Variants in HIVEP3 observed in about 807,000 individuals in gnomAD.
HIVEP3 encodes transcription factor HIVEP3.
In HIVEP3, 49 loss-of-function variants were observed where a neutral mutation model predicts 152.8. The observed-to-expected ratio is 0.32, with a 90% CI of 0.26 to 0.41. The LOEUF is 0.41. Ranked by LOEUF, HIVEP3 falls within the 10% of genes least tolerant of loss-of-function variation. The pLI is 1.00. For synonymous variants in HIVEP3, 1,269 were observed against 1,289.0 expected, an observed-to-expected ratio of 0.98 and a Z score of 0.33; for missense variants, 2,790 against 3,103.3, an observed-to-expected ratio of 0.90 and a Z score of 2.40.
At chr1:41,560,709 G>C (rs1644046965) in intron 5 of HIVEP3, among the ~76,000 whole-genome samples, 1 of 152,194 alleles carries the variant, frequency 6.6e-6, no homozygotes, top group Non-Finnish European at 1.5e-5. Flanking sequence ...CACAGCGGAG[G>C]CCCCTCCTCC....
chr1:41,949,635 A>G (rs1344163719), intron 1 of HIVEP3, among the ~76,000 whole-genome samples: 1 of 152,052 alleles, frequency 6.6e-6, no homozygotes, highest in Non-Finnish European at 1.5e-5. Context: ...CTCCTCAGCC[A>G]ATGGATGCCC....
At chr1:41,788,048 A>G (rs1397465599) in intron 1 of HIVEP3, among the ~76,000 whole-genome samples, 1 of 152,210 alleles carries the variant, frequency 6.6e-6, no homozygotes, top group Admixed American at 6.5e-5. Context: ...TCTGGGGCTC[A>G]GGTGACCCGG....
chr1:41,698,556 G>T (rs710246), intron 2 of HIVEP3, among the ~76,000 whole-genome samples: 9,350 of 152,176 alleles, frequency 0.061, 952 homozygotes, highest in African/African-American at 0.21. Flanking sequence ...TGATGAGGGA[G>T]CTGTGTGCTA....
Position 41,584,338 on chromosome 1 carries a change from G to T in HIVEP3, c.460C>A (p.Pro154Thr), listed in dbSNP as rs374763516. 7 of 1,613,920 alleles carry T rather than the reference G, an allele frequency of 4.3e-6. No homozygotes were observed. In the Middle Eastern group the frequency reaches 5.0e-4, roughly 114 times the overall value. The stretch of plus-strand genomic sequence containing the variant: ...TTGGGGACTCCAGGAAGGTCCTCGG[G>T]GGGAATGATGGAAGCGTGGGAAGGA... ...LLPSHASIIP[P>T]EDLPGVPKVF... is the part of the protein sequence containing the mutation. The change falls in exon 4 of 9, where the codon CCC becomes ACC. Residue 154 changes from proline to threonine, a missense_variant. This residue lies in a region of HIVEP3 where 209 missense variants were observed against 237.0 expected (regional missense o/e 0.88). Coordinates refer to ENST00000372583, the MANE Select transcript of HIVEP3 (RefSeq NM_024503.5). The surrounding 1 kb of genome is among the most constrained non-coding windows in gnomAD (Gnocchi z 5.2).
At chr1:41,678,536 G>A (rs1035790229) in intron 2 of HIVEP3, among the ~76,000 whole-genome samples, 7 of 151,278 alleles carry the variant, frequency 4.6e-5, no homozygotes, top group African/African-American at 9.8e-5. Context: ...TCCGGCTCGC[G>A]CTCCTCTCCA....
chr1:41,924,135 C>T lies in HIVEP3; in HGVS notation n.120-5611G>A, dbSNP rs369018833. ...ATCACAAGTATCCTTATAGGACTGA[C>T]GTAGGAGACGGGCTAGAGGGCAACG... On this transcript the variant is annotated intron_variant and non_coding_transcript_variant, in intron 1 of 3. Coordinates refer to the HIVEP3 transcript ENST00000489103. 2.5e-3 allele frequency among the ~76,000 whole-genome samples: 378 copies of T among 152,218 alleles called. 3 individuals are homozygous for T. Among genetic ancestry groups the T allele is most frequent in the African/African-American group, 8.6e-3 (359 of 41,520 alleles).
At chr1:42,004,030 C>CT (rs1315276063) in intron 1 of HIVEP3, among the ~76,000 whole-genome samples, 2 of 152,162 alleles carry the variant, frequency 1.3e-5, no homozygotes, top group Non-Finnish European at 2.9e-5. Flanking sequence ...GTCACCCCTC[C>CT]ACACTGCAAC....
intron 1 of HIVEP3, among the ~76,000 whole-genome samples, chr1:41,907,275 G>A (rs575142156): frequency 1.3e-5 from 2 of 152,258 alleles, no homozygotes; most frequent in East Asian, 3.9e-4. Context: ...AGATAGTTAG[G>A]GACAGGGGTA....
chr1:41,513,683 CTG>C lies in HIVEP3; in HGVS notation c.5536_5537del (p.Gln1846ValfsTer19). ...AGTCCGAGTCCTCCAGGTCCGAAAA[CTG>C]GTGCTCCTCCACAGCCTCTGAACCC... The part of the protein sequence containing the change: ...REGSEAVEEH[Q>X]FSDLEDSDSD... On this transcript the variant is annotated frameshift_variant, in exon 8 of 9. Coordinates refer to ENST00000372583, the MANE Select transcript of HIVEP3 (RefSeq NM_024503.5). LOFTEE classifies it high-confidence loss of function. 6.2e-7 allele frequency: 1 copy of C among 1,611,856 alleles called. No individual in the cohort carries two copies. Among genetic ancestry groups the C allele is most frequent in the Non-Finnish European group, 8.5e-7 (1 of 1,179,084 alleles).
rs112939587 is a variant in HIVEP3, at chr1:41,554,379, C to G, written c.5207+21165G>C. Among the ~76,000 whole-genome samples the G allele has an allele frequency of 3.3e-4, 50 of 152,292 alleles. 1 individual carries two copies. In the South Asian group the frequency reaches 9.7e-3, roughly 30 times the overall value. On this transcript the variant is annotated intron_variant, in intron 5 of 8. Coordinates refer to ENST00000372583, the MANE Select transcript of HIVEP3 (RefSeq NM_024503.5). Reference sequence around the variant, plus strand: ...TCTCTACACTGTTTATCCTAGTTAGCCATTCGTCTAATCTTTTTTCAAGGT... The same window carrying G: ...TCTCTACACTGTTTATCCTAGTTAGGCATTCGTCTAATCTTTTTTCAAGGT...
intron 2 of HIVEP3, among the ~76,000 whole-genome samples, chr1:41,698,419 A>T (rs1646309740): frequency 6.6e-6 from 1 of 152,162 alleles, no homozygotes; most frequent in Admixed American, 6.5e-5. Context: ...TGTGCCTTCA[A>T]TTCCAGTCGA....
intron 7 of HIVEP3, among the ~76,000 whole-genome samples, chr1:41,517,150 C>T (rs969572549): frequency 3.3e-5 from 5 of 152,174 alleles, no homozygotes; most frequent in Non-Finnish European, 7.4e-5. Flanking sequence ...GAGGCTGGGG[C>T]AGGGCAGGGA....
At chr1:41,812,809 G>A (rs542962682) in intron 1 of HIVEP3, among the ~76,000 whole-genome samples, 1 of 151,014 alleles carries the variant, frequency 6.6e-6, no homozygotes, top group East Asian at 2.0e-4. Context: ...CTCCTCCTTG[G>A]GGGTGGGGGG....
At chr1:42,024,974 A>G (rs1278709833) in intron 1 of HIVEP3, among the ~76,000 whole-genome samples, 3 of 152,184 alleles carry the variant, frequency 2.0e-5, no homozygotes, top group East Asian at 1.9e-4. Flanking sequence ...TTCCAAAGTC[A>G]TATGTCTTTT....
Position 41,586,121 on chromosome 1 carries a change from T to G in HIVEP3, c.-521-803A>C, listed in dbSNP as rs577584350. On this transcript the variant is annotated intron_variant, in intron 3 of 8. Coordinates refer to ENST00000372583, the MANE Select transcript of HIVEP3 (RefSeq NM_024503.5). ...TTCCTCTGGCTTTGCAGCCTTTCCT[T>G]GTCCAGTCAGTGCCCTGGGGATGCC... Among the ~76,000 whole-genome samples the G allele has an allele frequency of 1.2e-4, 19 of 152,344 alleles. No individual in the cohort carries two copies. In the East Asian group the frequency reaches 3.3e-3, roughly 26 times the overall value.
chr1:41,758,391 A>G (rs1647455361), intron 1 of HIVEP3, among the ~76,000 whole-genome samples: 1 of 152,238 alleles, frequency 6.6e-6, no homozygotes, highest in Admixed American at 6.5e-5. Flanking sequence ...GGGGGAGGAC[A>G]CAGGACAGAA....
chr1:41,914,787 C>T (rs1644845934), intron 1 of HIVEP3, among the ~76,000 whole-genome samples: 1 of 152,192 alleles, frequency 6.6e-6, no homozygotes, highest in Non-Finnish European at 1.5e-5. Flanking sequence ...AAACAGATAG[C>T]AGTAGGGTCT....
intron 1 of HIVEP3, among the ~76,000 whole-genome samples, chr1:41,758,588 A>G (rs534197488): frequency 1.3e-4 from 20 of 152,354 alleles, no homozygotes; most frequent in Admixed American, 3.3e-4. Flanking sequence ...CCCAAGTTCT[A>G]GAGACCATTG....
intron 1 of HIVEP3, among the ~76,000 whole-genome samples, chr1:41,925,315 A>G (rs1644962605): frequency 6.6e-6 from 1 of 152,218 alleles, no homozygotes. Flanking sequence ...CTAATAGCCT[A>G]TTGCTACTGG....
Sources: allele counts gnomAD v4.1 joint callset (sites outside exome capture counted in the v4.1 genomes callset), GRCh38; gene constraint gnomAD v4.1.1; regional missense constraint gnomAD v4.1.1; non-coding constraint Gnocchi (gnomAD v3.1); transcripts MANE v1.5; gene names NCBI Gene and HGNC (gene_info 2026-07-23, HGNC 2026-07-21).